Variants in CADM1 observed in about 807,000 individuals in gnomAD.
The protein encoded by CADM1 is TSLC-1.
A neutral mutation model predicts 53.1 loss-of-function variants in CADM1; 15 were observed. That is an observed-to-expected ratio of 0.28 (90% confidence interval 0.19 to 0.44). The LOEUF is 0.44. Among genes scored for constraint, CADM1 ranks in the 20% least tolerant of loss-of-function variants. The probability of loss-of-function intolerance (pLI) is 1.00; values close to 1 mark genes in which losing one functional copy is unlikely to be tolerated. For missense variants in CADM1, 434 were observed against 611.3 expected (o/e 0.71, Z 3.06); for synonymous variants, 281 against 243.0 (o/e 1.16, Z -1.45).
intron 1 of CADM1, among the ~76,000 whole-genome samples, chr11:115,296,028 A>G (rs1944069016): frequency 6.6e-6 from 1 of 152,152 alleles, no homozygotes; most frequent in Non-Finnish European, 1.5e-5. Context: ...ATAGTTCACT[A>G]TAACCTGGAA....
intron 1 of CADM1, among the ~76,000 whole-genome samples, chr11:115,322,141 C>T (rs1376066390): frequency 1.3e-5 from 2 of 152,152 alleles, no homozygotes; most frequent in African/African-American, 2.4e-5. Flanking sequence ...AGCTTCAATT[C>T]GTGGCCATTG....
At chr11:115,368,736 G>A (rs1284735531) in intron 1 of CADM1, among the ~76,000 whole-genome samples, 2 of 151,934 alleles carry the variant, frequency 1.3e-5, no homozygotes, top group Non-Finnish European at 2.9e-5. Flanking sequence ...TATTTTGTGG[G>A]TAAATAAATC....
intron 9 of CADM1, among the ~76,000 whole-genome samples, chr11:115,196,626 A>G (rs1189161714): frequency 6.8e-6 from 1 of 147,030 alleles, no homozygotes; most frequent in Admixed American, 6.8e-5. Flanking sequence ...AAAAATCACA[A>G]AACAATCTCA....
chr11:115,375,371 C>T (rs1305586637), intron 1 of CADM1, among the ~76,000 whole-genome samples: 9 of 152,216 alleles, frequency 5.9e-5, no homozygotes, highest in African/African-American at 2.2e-4. Flanking sequence ...TTTTGAGAGG[C>T]CATGAGGAAG....
intron 8 of CADM1, among the ~76,000 whole-genome samples, chr11:115,203,711 A>T (rs146279117): frequency 6.6e-5 from 10 of 152,308 alleles, no homozygotes; most frequent in African/African-American, 2.4e-4. Context: ...TTCCACTAGC[A>T]TCACATTTCT....
chr11:115,367,451 T>TTA, intron 1 of CADM1, among the ~76,000 whole-genome samples: 1 of 152,326 alleles, frequency 6.6e-6, no homozygotes, highest in East Asian at 1.9e-4. Flanking sequence ...AGTGTTCTCT[T>TTA]TAACATGTGC....
intron 1 of CADM1, among the ~76,000 whole-genome samples, chr11:115,362,884 A>G (rs185288222): frequency 2.0e-5 from 3 of 152,316 alleles, no homozygotes; most frequent in African/African-American, 7.2e-5. Flanking sequence ...TATTAATTCT[A>G]TTATAAGTCT....
At chr11:115,419,272 T>G (rs12273801) in intron 1 of CADM1, among the ~76,000 whole-genome samples, 2,028 of 152,310 alleles carry the variant, frequency 0.013, 41 homozygotes, top group African/African-American at 0.046. Context: ...AGACTGCCCC[T>G]TTGTTTGGGT....
chr11:115,341,876 G>T (rs1945457816), intron 1 of CADM1, among the ~76,000 whole-genome samples: 1 of 152,142 alleles, frequency 6.6e-6, no homozygotes, highest in African/African-American at 2.4e-5. Context: ...TGTAACTTAA[G>T]TCCCATAGCA....
intron 1 of CADM1, among the ~76,000 whole-genome samples, chr11:115,261,844 A>G (rs1056584141): frequency 6.6e-6 from 1 of 151,650 alleles, no homozygotes; most frequent in African/African-American, 2.4e-5. Context: ...CAGTGGTTCA[A>G]TCTCGGCTCA....
At chr11:115,466,008 G>C (rs1046403947) in intron 1 of CADM1, among the ~76,000 whole-genome samples, 7 of 152,084 alleles carry the variant, frequency 4.6e-5, no homozygotes, top group African/African-American at 1.7e-4. Context: ...TAAGACTCCA[G>C]CAATGTGACT....
intron 1 of CADM1, among the ~76,000 whole-genome samples, chr11:115,330,890 C>A (rs563597702): frequency 1.2e-4 from 18 of 152,242 alleles, no homozygotes; most frequent in African/African-American, 4.3e-4. Flanking sequence ...CAAGAAGGAG[C>A]ATGTTAGCAG....
chr11:115,256,350 T>G (rs1437573217), intron 1 of CADM1, among the ~76,000 whole-genome samples: 2 of 152,216 alleles, frequency 1.3e-5, no homozygotes, highest in Admixed American at 6.5e-5. Context: ...AGGCTTGGAA[T>G]GAGCCTCATA....
Position 115,340,700 on chromosome 11 carries a change from G to A in CADM1, c.125-100280C>T, listed in dbSNP as rs183402419. On this transcript the variant is annotated intron_variant, in intron 1 of 11. Transcript: ENST00000331581. ...TTTTGAGACAGAGTCTCACTCTGTC[G>A]CCCAGGCTGCAGTGTAGTGGCGCAA... Among the ~76,000 whole-genome samples the A allele has an allele frequency of 9.5e-4, 107 of 112,380 alleles. 2 individuals are homozygous for A. The East Asian group carries it at 0.011, about 11-fold the overall frequency. The allele number at this position is 112,380 out of a possible 152,430, so 73.7% of individuals were successfully genotyped here. A position where few individuals can be genotyped will look rare whatever the true frequency, so the allele number is the denominator to read the frequency against.
At chr11:115,441,271 C>T (rs1303301960) in intron 1 of CADM1, among the ~76,000 whole-genome samples, 3 of 152,072 alleles carry the variant, frequency 2.0e-5, no homozygotes, top group African/African-American at 4.8e-5. Context: ...TTGTATCTCA[C>T]AGAAATGATG....
At chr11:115,431,567 G>A (rs185915096) in intron 1 of CADM1, among the ~76,000 whole-genome samples, 1 of 152,046 alleles carries the variant, frequency 6.6e-6, no homozygotes, top group African/African-American at 2.4e-5. Flanking sequence ...CTTAGAACAA[G>A]GCCCCCAGTC....
At chr11:115,492,771 A>G (rs1442484925) in intron 1 of CADM1, among the ~76,000 whole-genome samples, 1 of 152,202 alleles carries the variant, frequency 6.6e-6, no homozygotes, top group Non-Finnish European at 1.5e-5. Flanking sequence ...AAGTACCCTC[A>G]GATGTTAGAC....
chr11:115,241,968 C>CTTT (rs753938722), intron 1 of CADM1, among the ~76,000 whole-genome samples: 5 of 138,482 alleles, frequency 3.6e-5, no homozygotes, highest in Admixed American at 1.5e-4. Flanking sequence ...TTGAAGGATC[C>CTTT]TTTTTTTTTT....
chr11:115,402,814 G>T (rs1257614198), intron 1 of CADM1, among the ~76,000 whole-genome samples: 3 of 152,212 alleles, frequency 2.0e-5, no homozygotes, highest in Admixed American at 6.5e-5. Context: ...AGGCAAAAGG[G>T]TATAAAACTC....
Sources: allele counts gnomAD v4.1 joint callset (sites outside exome capture counted in the v4.1 genomes callset), GRCh38; gene constraint gnomAD v4.1.1; transcripts MANE v1.5; gene names NCBI Gene and HGNC (gene_info 2026-07-23, HGNC 2026-07-21).